The following EVI5 variants were observed in gnomAD, a reference collection of about 807,000 sequenced individuals.
EVI5 encodes ecotropic viral integration site 5, also known as ecotropic viral integration site 5 protein homolog.
A neutral mutation model predicts 112.0 loss-of-function variants in EVI5; 73 were observed. That is an observed-to-expected ratio of 0.65 (90% CI 0.54 to 0.79). The LOEUF (loss-of-function observed/expected upper bound fraction) is 0.79. EVI5 is among the 30% of genes least tolerant of loss of function. The pLI is 0.00. For synonymous variants in EVI5, 305 were observed against 319.9 expected (o/e 0.95, Z 0.50); for missense variants, 900 against 968.8 (o/e 0.93, Z 0.94).
At chr1:92,585,222 C>CAAAAA (rs60701144) in intron 18 of EVI5, among the ~76,000 whole-genome samples, 1 of 146,214 alleles carries the variant, frequency 6.8e-6, no homozygotes, top group Non-Finnish European at 1.5e-5. Flanking sequence ...GACTCCATCT[C>CAAAAA]AAAAAAAAAA....
intron 2 of EVI5, among the ~76,000 whole-genome samples, chr1:92,721,896 C>A (rs1326417404): frequency 6.6e-6 from 1 of 152,102 alleles, no homozygotes; most frequent in African/African-American, 2.4e-5. Flanking sequence ...TGGTCACTTA[C>A]AAAATCTATA....
intron 2 of EVI5, chr1:92,732,270 AC>A: frequency 2.8e-6 from 1 of 358,192 alleles, no homozygotes; most frequent in Non-Finnish European, 5.5e-6. Context: ...TGCCTGAGAC[AC>A]CATCATCAGT....
intron 9 of EVI5, among the ~76,000 whole-genome samples, chr1:92,685,015 G>A (rs1161125421): frequency 6.6e-6 from 1 of 151,790 alleles, no homozygotes; most frequent in East Asian, 1.9e-4. Flanking sequence ...AGGTTAACAA[G>A]GATATCCAGG....
chr1:92,786,235 G>GAA (rs33914637), upstream of EVI5, among the ~76,000 whole-genome samples: 2 of 139,798 alleles, frequency 1.4e-5, no homozygotes, highest in Admixed American at 7.1e-5. Flanking sequence ...AAGCATTTCA[G>GAA]AAAAAAAAAA....
chr1:92,622,656 T>C (rs1157079555), intron 16 of EVI5, among the ~76,000 whole-genome samples: 5 of 152,248 alleles, frequency 3.3e-5, no homozygotes, highest in African/African-American at 4.8e-5. Flanking sequence ...TATTTTTATT[T>C]ATTTATTTTT....
chr1:92,525,819 A>G (rs1329423967), intron 19 of EVI5, among the ~76,000 whole-genome samples: 1 of 152,170 alleles, frequency 6.6e-6, no homozygotes, highest in African/African-American at 2.4e-5. Flanking sequence ...ACAGTAGGAA[A>G]GTTTTGCTGT....
chr1:92,533,703 A>C (rs1663306128), intron 19 of EVI5, among the ~76,000 whole-genome samples: 2 of 152,234 alleles, frequency 1.3e-5, no homozygotes, highest in African/African-American at 4.8e-5. Flanking sequence ...CAATAGATGC[A>C]GAAAAGGCCT....
At chr1:92,710,338 A>T (rs1672662847) in intron 2 of EVI5, among the ~76,000 whole-genome samples, 1 of 151,906 alleles carries the variant, frequency 6.6e-6, no homozygotes, top group Non-Finnish European at 1.5e-5. Flanking sequence ...ACAGAGTGAG[A>T]TCCTGTCTCG....
At chr1:92,532,198 A>T (rs571286455) in intron 19 of EVI5, among the ~76,000 whole-genome samples, 10 of 152,234 alleles carry the variant, frequency 6.6e-5, no homozygotes, top group African/African-American at 2.4e-4. Context: ...AAGGCATTAC[A>T]TAATGGTAAA....
At chr1:92,524,316 A>G (rs572111808) in intron 19 of EVI5, among the ~76,000 whole-genome samples, 1 of 152,324 alleles carries the variant, frequency 6.6e-6, no homozygotes, top group African/African-American at 2.4e-5. Context: ...GACCATGTTA[A>G]GAAAATCTGA....
intron 1 of EVI5, among the ~76,000 whole-genome samples, chr1:92,775,113 TCA>T (rs1683937891): frequency 6.6e-6 from 1 of 152,194 alleles, no homozygotes; most frequent in South Asian, 2.1e-4. Context: ...AACATTTCAG[TCA>T]ATGGATACCA....
chr1:92,735,208 T>C (rs935851635), intron 2 of EVI5, among the ~76,000 whole-genome samples: 2 of 152,294 alleles, frequency 1.3e-5, no homozygotes, highest in Admixed American at 1.3e-4. Context: ...TATTTCCACA[T>C]GATGGAATAC....
At chr1:92,781,494 GAA>G (rs201433647) in intron 1 of EVI5, among the ~76,000 whole-genome samples, 28 of 141,796 alleles carry the variant, frequency 2.0e-4, no homozygotes, top group African/African-American at 7.2e-4. Context: ...GACCCTGTCT[GAA>G]AAAAAAAAAA....
chr1:92,709,161 T>C (rs1672463837), intron 2 of EVI5, among the ~76,000 whole-genome samples: 1 of 152,046 alleles, frequency 6.6e-6, no homozygotes, highest in African/African-American at 2.4e-5. Context: ...AGAAGAGAAG[T>C]TTTGACAGAG....
intron 2 of EVI5, among the ~76,000 whole-genome samples, chr1:92,710,755 G>C (rs1004767576): frequency 1.1e-3 from 2 of 1,772 alleles, no homozygotes; most frequent in South Asian, 0.083. Context: ...ATTGGGGTTG[G>C]GGGGGGGGTG....
intron 1 of EVI5, among the ~76,000 whole-genome samples, chr1:92,738,837 C>T (rs1677870987): frequency 6.6e-6 from 1 of 152,150 alleles, no homozygotes; most frequent in Admixed American, 6.5e-5. Flanking sequence ...TTCCAAACTT[C>T]CACCCTGCCA....
chr1:92,790,928 A>T (rs1024428328), intron 1 of EVI5, among the ~76,000 whole-genome samples: 1 of 152,188 alleles, frequency 6.6e-6, no homozygotes, highest in Admixed American at 6.5e-5. Flanking sequence ...AGGAAAGAAC[A>T]TTATTAAGAG....
rs368589397 is a variant in EVI5, at chr1:92,688,883, T to C, written c.1097+4919A>G. On this transcript the variant is annotated intron_variant, in intron 9 of 19. Transcript: ENST00000684568. ...AGCTTGAGCATTTTTGAGAGGTAGG[T>C]CCAATTGTTGAGTTTATTATATATT... Among the ~76,000 whole-genome samples the C allele has an allele frequency of 3.7e-4, 56 of 152,244 alleles. No individual in the cohort carries two copies. The South Asian group carries it at 0.011, about 30-fold the overall frequency.
At chr1:92,562,676 G>A (rs954554917) in intron 19 of EVI5, among the ~76,000 whole-genome samples, 1 of 46,932 alleles carries the variant, frequency 2.1e-5, no homozygotes, top group Non-Finnish European at 3.6e-5. Context: ...CCACATCTAA[G>A]ATTTACTGTT....
Sources: gnomAD v4.1 joint callset for allele counts (sites outside exome capture counted in the v4.1 genomes callset) on GRCh38, gnomAD v4.1.1 for gene constraint, MANE v1.5 for transcripts, NCBI Gene and HGNC (gene_info 2026-07-23, HGNC 2026-07-21) for gene names.